MAML1: variants seen among roughly 807,000 people sequenced by gnomAD.
MAML1 encodes the protein mastermind-like protein 1.
MAML1 carries 14 observed loss-of-function variants against 77.1 expected under a neutral mutation model. The observed-to-expected ratio is 0.18, with a 90% CI of 0.12 to 0.28. MAML1 has a LOEUF of 0.28. MAML1 is among the 10% of genes least tolerant of loss of function. The probability of loss-of-function intolerance (pLI) is 1.00; values close to 1 mark genes in which losing one functional copy is unlikely to be tolerated. For synonymous variants in MAML1, 516 were observed against 551.9 expected, an observed-to-expected ratio of 0.93 and a Z score of 0.91; for missense variants, 1,217 against 1,327.8, an observed-to-expected ratio of 0.92 and a Z score of 1.30.
In MAML1 at chr5:179,774,900, A is replaced by T. The variant is rs1356204171; in HGVS notation, c.*23A>T. ...TAATGGAAGGATTTGTAGTGTTTTT[A>T]GTGTTCATTCATCCTATATTTTTAT... On this transcript the variant is annotated 3_prime_UTR_variant, in exon 5 of 5. Transcript: ENST00000292599. The T allele has an allele frequency of 1.3e-6, 2 of 1,563,960 alleles. No homozygotes were observed. The highest frequency in any genetic ancestry group is 1.7e-6 in the Non-Finnish European group (2 of 1,153,866).
At chr5:179,754,806 G>T (rs1263686277) in intron 1 of MAML1, among the ~76,000 whole-genome samples, 1 of 152,032 alleles carries the variant, frequency 6.6e-6, no homozygotes, top group Non-Finnish European at 1.5e-5. Context: ...TACTGGCCTG[G>T]GATCACACTT....
At chr5:179,773,015 C>T (rs1012992803) in intron 4 of MAML1, among the ~76,000 whole-genome samples, 3 of 152,226 alleles carry the variant, frequency 2.0e-5, no homozygotes, top group Non-Finnish European at 4.4e-5. Flanking sequence ...CTCAGCCTCC[C>T]GAGTAGCTGG....
chr5:179,766,967 C>T lies in MAML1; in HGVS notation c.1731+226C>T, dbSNP rs1779831406. Among the ~76,000 whole-genome samples, 1 of 152,160 alleles carries T rather than the reference C, an allele frequency of 6.6e-6. No homozygotes were observed. Among genetic ancestry groups the T allele is most frequent in the Admixed American group, 6.5e-5 (1 of 15,270 alleles). On this transcript the variant is annotated intron_variant, in intron 2 of 4. Coordinates refer to ENST00000292599, the MANE Select transcript of MAML1 (RefSeq NM_014757.5). The surrounding 1 kb of genome is among the most constrained non-coding windows in gnomAD (Gnocchi z 4.0). ...CCTGGCATAGCTTGATTATTAACTG[C>T]ACGAAGGTTTCAGGAATCACCTGCA...
chr5:179,747,807 T>TAAA (rs1779409342), intron 1 of MAML1, among the ~76,000 whole-genome samples: 4 of 716 alleles, frequency 5.6e-3, no homozygotes, highest in Non-Finnish European at 8.9e-3. Context: ...AGACTCCATC[T>TAAA]CAAAAAAAAA....
chr5:179,761,051 G>A (rs1054251704), intron 1 of MAML1, among the ~76,000 whole-genome samples: 2 of 150,384 alleles, frequency 1.3e-5, no homozygotes, highest in South Asian at 4.2e-4. Context: ...CCGAGATCGC[G>A]CCACTGCACT....
At chr5:179,755,180 C>G (rs535569041) in intron 1 of MAML1, among the ~76,000 whole-genome samples, 1 of 152,298 alleles carries the variant, frequency 6.6e-6, no homozygotes, top group Non-Finnish European at 1.5e-5. Context: ...TCTTGAAATT[C>G]AGGATAACCG....
At chr5:179,736,860 C>T (rs1462469138) in intron 1 of MAML1, among the ~76,000 whole-genome samples, 1 of 151,334 alleles carries the variant, frequency 6.6e-6, no homozygotes, top group Non-Finnish European at 1.5e-5. Flanking sequence ...ACACGGGAGG[C>T]TGAGGGAGGA....
At chr5:179,753,654 A>T (rs200596257) in intron 1 of MAML1, among the ~76,000 whole-genome samples, 23,275 of 89,592 alleles carry the variant, frequency 0.26, 4,054 homozygotes, top group East Asian at 0.36. Context: ...TATTATTATT[A>T]TTTTTTTTTT....
chr5:179,758,110 G>A (rs1779657225), intron 1 of MAML1, among the ~76,000 whole-genome samples: 1 of 152,118 alleles, frequency 6.6e-6, no homozygotes, highest in African/African-American at 2.4e-5. Flanking sequence ...TTTCAAAAAC[G>A]TTTAAATTTA....
intron 2 of MAML1, among the ~76,000 whole-genome samples, chr5:179,768,222 C>T (rs1418368457): frequency 6.6e-6 from 1 of 152,122 alleles, no homozygotes; most frequent in East Asian, 1.9e-4. Context: ...TTTGAGAGGC[C>T]GAGGTGGGTG....
chr5:179,745,082 T>G (rs1779353587), intron 1 of MAML1, among the ~76,000 whole-genome samples: 2 of 151,888 alleles, frequency 1.3e-5, no homozygotes, highest in South Asian at 4.2e-4. Flanking sequence ...TGTTTTTGTA[T>G]TTTTAGTAGA....
At chr5:179,749,214 G>A (rs547240204) in intron 1 of MAML1, among the ~76,000 whole-genome samples, 56 of 152,172 alleles carry the variant, frequency 3.7e-4, no homozygotes, top group African/African-American at 8.7e-4. Flanking sequence ...TGCAACCTCC[G>A]CCTCTGGGTT....
chr5:179,734,841 G>GT (rs996642270), intron 1 of MAML1, among the ~76,000 whole-genome samples: 7 of 151,960 alleles, frequency 4.6e-5, no homozygotes, highest in African/African-American at 1.7e-4. Context: ...AATAAAAAAA[G>GT]TTTTTTTTCT....
At chr5:179,737,115 A>C (rs1473724819) in intron 1 of MAML1, among the ~76,000 whole-genome samples, 1 of 152,154 alleles carries the variant, frequency 6.6e-6, no homozygotes, top group African/African-American at 2.4e-5. Context: ...TGAGTGTGTT[A>C]GAATTTGAAT....
At position 179,746,842 on chromosome 5, in the gene MAML1, T is replaced by G. The variant is rs2465294; in HGVS notation, c.315+13415T>G. On this transcript the variant is annotated intron_variant, in intron 1 of 4. Transcript: ENST00000292599. ...AAAAGGATTTATCTAGTCATTAGTC[T>G]TCACTCTCAGTGAGAAATATAACAA... Among the ~76,000 whole-genome samples the G allele has an allele frequency of 8.5e-3, 1,300 of 152,368 alleles. 6 individuals are homozygous for G. Among genetic ancestry groups the G allele is most frequent in the Non-Finnish European group, 0.014 (953 of 68,036 alleles).
At chr5:179,749,053 C>A (rs1209955942) in intron 1 of MAML1, among the ~76,000 whole-genome samples, 1 of 151,998 alleles carries the variant, frequency 6.6e-6, no homozygotes, top group Non-Finnish European at 1.5e-5. Flanking sequence ...GCAACCTCCA[C>A]CTCCTGGGTT....
intron 1 of MAML1, among the ~76,000 whole-genome samples, chr5:179,764,886 C>G (rs958874047): frequency 6.6e-6 from 1 of 152,124 alleles, no homozygotes; most frequent in African/African-American, 2.4e-5. Flanking sequence ...ATTGATTGAA[C>G]TCAGGAGACG....
At chr5:179,740,963 T>C (rs1270381431) in intron 1 of MAML1, among the ~76,000 whole-genome samples, 2 of 152,228 alleles carry the variant, frequency 1.3e-5, no homozygotes, top group Non-Finnish European at 2.9e-5. Flanking sequence ...ATTTGTCACC[T>C]GTAATAATAC....
chr5:179,768,309 T>C (rs1779859190), intron 2 of MAML1, among the ~76,000 whole-genome samples: 2 of 152,090 alleles, frequency 1.3e-5, no homozygotes, highest in African/African-American at 2.4e-5. Flanking sequence ...AATACAAAAT[T>C]AGCCAGGTGT....
Sources: allele counts gnomAD v4.1 joint callset (sites outside exome capture counted in the v4.1 genomes callset), GRCh38; gene constraint gnomAD v4.1.1; non-coding constraint Gnocchi (gnomAD v3.1); transcripts MANE v1.5; gene names NCBI Gene and HGNC (gene_info 2026-07-23, HGNC 2026-07-21).